RBL2: variants seen among roughly 807,000 people sequenced by gnomAD.
The protein encoded by RBL2 is retinoblastoma-like protein 2.
In RBL2, 56 loss-of-function variants were observed where a neutral mutation model predicts 126.0. That is an observed-to-expected ratio of 0.44 (90% CI 0.36 to 0.56). RBL2 has a LOEUF of 0.56. RBL2 is among the 20% of genes least tolerant of loss of function. The pLI is 0.00. For missense variants in RBL2, 1,229 were observed against 1,398.2 expected, an observed-to-expected ratio of 0.88 and a Z score of 1.93; for synonymous variants, 454 against 478.5, an observed-to-expected ratio of 0.95 and a Z score of 0.67.
At position 53,469,303 on chromosome 16, in the gene RBL2, T is replaced by C. The variant is rs546067221; in HGVS notation, c.1976-613T>C. On this transcript the variant is annotated intron_variant, in intron 14 of 21. Coordinates refer to ENST00000262133, the MANE Select transcript of RBL2 (RefSeq NM_005611.4). ...TAATTTAAGTAGATGAAATTTATGG[T>C]ATATAAACTGTTTTAAAAAAATAAA... 8.5e-5 allele frequency among the ~76,000 whole-genome samples: 13 copies of C among 152,362 alleles called. No homozygotes were observed. The East Asian group carries it at 2.5e-3, about 29-fold the overall frequency.
At position 53,462,621 on chromosome 16, in the gene RBL2, A is replaced by T. The variant is rs1184851692; in HGVS notation, c.1526A>T (p.Gln509Leu). The T allele has an allele frequency of 6.4e-7, 1 of 1,573,240 alleles. No homozygotes were observed. ...AAAGTATTAGAATCTGTTATTGAGCAGGAACAAAAAAGACTAGGAGACATG... is the reference window on the plus strand; with the variant it reads ...AAAGTATTAGAATCTGTTATTGAGCTGGAACAAAAAAGACTAGGAGACATG... The part of the protein sequence containing the change: ...YYKVLESVIE[Q>L]EQKRLGDMDL... Residue 509 changes from glutamine (Q) to leucine (L), a missense_variant, in exon 11 of 22, where the codon CAG becomes CTG. Around this residue, in one of 2 missense-constraint regions of RBL2, gnomAD observed 1,070 missense variants for 1,274.3 expected, o/e 0.84. Coordinates refer to ENST00000262133, the MANE Select transcript of RBL2 (RefSeq NM_005611.4).
At chr16:53,442,242 T>G (rs1269919308) in intron 2 of RBL2, among the ~76,000 whole-genome samples, 1 of 151,886 alleles carries the variant, frequency 6.6e-6, no homozygotes, top group Non-Finnish European at 1.5e-5. Context: ...AGCCCAGGAG[T>G]CTGCAGTGAG....
chr16:53,467,490 C>T (rs1299615369), intron 14 of RBL2, among the ~76,000 whole-genome samples: 2 of 152,156 alleles, frequency 1.3e-5, no homozygotes, highest in African/African-American at 2.4e-5. Context: ...CGGGTTCAAG[C>T]GATTCTCATG....
At chr16:53,476,213 A>G (rs1960724193) in intron 17 of RBL2, among the ~76,000 whole-genome samples, 1 of 152,070 alleles carries the variant, frequency 6.6e-6, no homozygotes, top group Non-Finnish European at 1.5e-5. Flanking sequence ...GTGTGTCTTC[A>G]TTTCAAAAGT....
intron 2 of RBL2, among the ~76,000 whole-genome samples, chr16:53,441,361 C>A (rs755745770): frequency 1.3e-5 from 2 of 152,162 alleles, no homozygotes; most frequent in Non-Finnish European, 2.9e-5. Flanking sequence ...GGTGCACATT[C>A]TCTTACTGTA....
At chr16:53,462,733 T>C in intron 11 of RBL2, 78 bp downstream of exon 11, 1 of 944,948 alleles carries the variant, frequency 1.1e-6, no homozygotes, top group Non-Finnish European at 1.6e-6. Flanking sequence ...GGTTGTTTTT[T>C]TTACTTTATA....
At chr16:53,481,555 C>T (rs763053082) in intron 20 of RBL2, 116 bp from the exon 21 acceptor site, 35 of 928,702 alleles carry the variant, frequency 3.8e-5, no homozygotes, top group Non-Finnish European at 5.3e-5. Context: ...GCTAATACAT[C>T]ACTCTGTCAT....
chr16:53,471,044 A>G, intron 17 of RBL2, 122 bp downstream of exon 17: 3 of 1,013,798 alleles, frequency 3.0e-6, no homozygotes, highest in Non-Finnish European at 4.3e-6. Flanking sequence ...ATGCACAACT[A>G]AATGGGTCTT....
At chr16:53,451,506 TTAAAAA>T (rs1188573363) in intron 4 of RBL2, among the ~76,000 whole-genome samples, 191 bp from the exon 5 acceptor site, 4 of 152,076 alleles carry the variant, frequency 2.6e-5, no homozygotes, top group African/African-American at 9.7e-5. Flanking sequence ...ACTCTGTCTC[TTAAAAA>T]TAAATAAATA....
rs1427780397 is a variant in RBL2, at chr16:53,455,521, C to A, written c.1179+679C>A. On this transcript the variant is annotated intron_variant, in intron 8 of 21. Transcript: ENST00000262133. ...GGAGATAAAGCAGTGAACAAAATAA[C>A]CACGAGAACCCTGTTCTAAAGAAGC... 3.3e-5 allele frequency among the ~76,000 whole-genome samples: 5 copies of A among 152,168 alleles called. No individual in the cohort carries two copies. The East Asian group carries it at 5.8e-4, about 18-fold the overall frequency.
chr16:53,461,671 T>C, intron 9 of RBL2, 70 bp from the exon 10 acceptor site: 1 of 1,089,180 alleles, frequency 9.2e-7, no homozygotes, highest in Non-Finnish European at 1.3e-6. Context: ...AGTGAAATTA[T>C]AGAAACATTT....
intron 21 of RBL2, among the ~76,000 whole-genome samples, chr16:53,482,749 G>C (rs181380267): frequency 6.6e-6 from 1 of 150,926 alleles, no homozygotes; most frequent in Admixed American, 6.6e-5. Flanking sequence ...GGTGGAGGTT[G>C]CAGTGAGCAG....
intron 8 of RBL2, among the ~76,000 whole-genome samples, chr16:53,458,737 G>T (rs1422533410): frequency 6.6e-6 from 1 of 152,168 alleles, no homozygotes; most frequent in African/African-American, 2.4e-5. Context: ...CACTTCTTAG[G>T]TGGCGGTGGC....
intron 12 of RBL2, among the ~76,000 whole-genome samples, chr16:53,465,037 C>G (rs971830119): frequency 2.0e-5 from 3 of 152,178 alleles, no homozygotes; most frequent in Non-Finnish European, 4.4e-5. Flanking sequence ...TCGTGATCTG[C>G]CCGCCACGGC....
chr16:53,444,324 G>T (rs544650723), intron 3 of RBL2, among the ~76,000 whole-genome samples: 1 of 146,544 alleles, frequency 6.8e-6, no homozygotes, highest in Non-Finnish European at 1.5e-5. Context: ...AGGCCAAGGC[G>T]GGTGGATCAC....
At chr16:53,439,221 C>A in intron 2 of RBL2, 75 bp downstream of exon 2, 3 of 1,286,340 alleles carry the variant, frequency 2.3e-6, no homozygotes, top group Non-Finnish European at 3.1e-6. Flanking sequence ...TAAGAATTAT[C>A]TCTGTTTATC....
At chr16:53,461,979 AT>A in intron 10 of RBL2, 129 bp downstream of exon 10, 3 of 727,170 alleles carry the variant, frequency 4.1e-6, no homozygotes, top group Non-Finnish European at 6.5e-6. Flanking sequence ...TGGCTGTCCA[AT>A]TTTTCTGGTC....
intron 17 of RBL2, among the ~76,000 whole-genome samples, chr16:53,476,013 G>A (rs1960718115): frequency 6.6e-6 from 1 of 150,978 alleles, no homozygotes; most frequent in Non-Finnish European, 1.5e-5. Context: ...TTGTAGATAC[G>A]AGATTTTGCT....
Position 53,447,032 on chromosome 16 carries a change from TC to T in RBL2, c.573-5del, listed in dbSNP as rs746028394. On this transcript the variant is annotated splice_polypyrimidine_tract_variant and intron_variant, in intron 3 of 21. Coordinates refer to ENST00000262133, the MANE Select transcript of RBL2 (RefSeq NM_005611.4). ...GTTGTCTCATGACTTTTTTTTTTCT[TC>T]CCCCAAAGGCGACAGCCCTGTACTG... The T allele has an allele frequency of 6.7e-7, 1 of 1,494,558 alleles. No homozygotes were observed. Among genetic ancestry groups the T allele is most frequent in the Admixed American group, 2.5e-5 (1 of 40,142 alleles). The allele number at this position is 1,494,558 out of a possible 1,614,324, so 92.6% of individuals were successfully genotyped here.
Sources: gnomAD v4.1 joint callset for allele counts (sites outside exome capture counted in the v4.1 genomes callset) on GRCh38, gnomAD v4.1.1 for gene constraint, gnomAD v4.1.1 regional missense constraint, MANE v1.5 for transcripts, NCBI Gene and HGNC (gene_info 2026-07-23, HGNC 2026-07-21) for gene names.